The following MAGI2 variants were observed in gnomAD, a reference collection of about 807,000 sequenced individuals.
MAGI2 encodes the protein membrane associated guanylate kinase, WW and PDZ domain containing 2.
A neutral mutation model predicts 133.3 loss-of-function variants in MAGI2; 35 were observed. The observed-to-expected ratio is 0.26, with a 90% confidence interval of 0.20 to 0.35. The LOEUF is 0.35. MAGI2 is among the 10% of genes least tolerant of loss of function. The pLI, the probability that MAGI2 is intolerant of heterozygous loss-of-function variation, is 1.00. For synonymous variants in MAGI2, 729 were observed against 710.6 expected (o/e 1.03, Z -0.41); for missense variants, 1,636 against 1,863.4 (o/e 0.88, Z 2.25).
chr7:78,616,641 A>C (rs1228305652), intron 3 of MAGI2: 3 of 152,218 alleles, frequency 2.0e-5, no homozygotes, highest in Non-Finnish European at 4.4e-5. Context: ...AATGATGAGA[A>C]TTAAGATAAA....
chr7:78,868,909 A>G (rs559220007), intron 2 of MAGI2, among the ~76,000 whole-genome samples: 69 of 152,032 alleles, frequency 4.5e-4, no homozygotes, highest in Non-Finnish European at 9.0e-4. Context: ...GCCCGCCACA[A>G]TGCCCGGCTA....
intron 5 of MAGI2, among the ~76,000 whole-genome samples, chr7:78,490,561 G>T (rs2150492621): frequency 6.6e-6 from 1 of 152,188 alleles, no homozygotes; most frequent in African/African-American, 2.4e-5. Context: ...TTAAAGTAGT[G>T]TTTTTTAAAG....
At chr7:78,203,358 AT>A (rs1334965383) in intron 10 of MAGI2, among the ~76,000 whole-genome samples, 2 of 152,214 alleles carry the variant, frequency 1.3e-5, no homozygotes, top group Admixed American at 6.5e-5. Context: ...CCTATAGAAA[AT>A]GTATAATCAT....
At chr7:78,650,392 C>A (rs981952860) in intron 2 of MAGI2, among the ~76,000 whole-genome samples, 2 of 152,110 alleles carry the variant, frequency 1.3e-5, no homozygotes, top group South Asian at 4.1e-4. Context: ...GAAGTGGGAA[C>A]CAAAGTCTTT....
At chr7:78,065,559 G>A in intron 21 of MAGI2, 1 of 675,436 alleles carries the variant, frequency 1.5e-6, no homozygotes, top group South Asian at 1.6e-5. Context: ...TAATATTCAT[G>A]CAGATTTTAC....
At chr7:78,589,085 C>T (rs1234102743) in intron 3 of MAGI2, among the ~76,000 whole-genome samples, 2 of 152,108 alleles carry the variant, frequency 1.3e-5, no homozygotes, top group African/African-American at 4.8e-5. Context: ...CTATTGTATT[C>T]CCAAACTCCT....
intron 1 of MAGI2, among the ~76,000 whole-genome samples, chr7:79,341,803 G>C (rs1401916432): frequency 6.6e-6 from 1 of 152,122 alleles, no homozygotes; most frequent in Admixed American, 6.6e-5. Context: ...TTTCCAACAG[G>C]TTGAACTGAT....
Position 78,160,114 on chromosome 7 carries a change from C to T in MAGI2, c.2756G>A (p.Ser919Asn). 1.9e-6 allele frequency: 3 copies of T among 1,611,684 alleles called. No individual in the cohort carries two copies. The highest frequency in any genetic ancestry group is 1.7e-6 in the Non-Finnish European group (2 of 1,178,884). ...CTCTTTGCGGTGAATGACCACATCA[C>T]TGGTCTGCAGGCTGTGGGAGGCGAA... The part of the protein sequence containing the change: ...EGFASHSLQT[S>N]DVVIHRKENE... Residue 919 changes from serine (S) to asparagine (N), a missense_variant, in exon 16 of 22, where the codon AGT (serine) becomes AAT (asparagine). Coordinates refer to ENST00000354212, the MANE Select transcript of MAGI2 (RefSeq NM_012301.4).
At chr7:78,447,033 T>A (rs1474460706) in intron 6 of MAGI2, among the ~76,000 whole-genome samples, 1 of 152,080 alleles carries the variant, frequency 6.6e-6, no homozygotes, top group Non-Finnish European at 1.5e-5. Context: ...AAATTTTTCA[T>A]CAGAATGATT....
chr7:79,208,663 G>A (rs1191717215), intron 1 of MAGI2, among the ~76,000 whole-genome samples: 1 of 151,924 alleles, frequency 6.6e-6, no homozygotes, highest in Non-Finnish European at 1.5e-5. Context: ...ATATGATCCA[G>A]CAATCCAACC....
intron 16 of MAGI2, among the ~76,000 whole-genome samples, chr7:78,144,727 CTG>C (rs1461363867): frequency 6.6e-6 from 1 of 152,128 alleles, no homozygotes; most frequent in Non-Finnish European, 1.5e-5. Flanking sequence ...AAGGTGGACT[CTG>C]TGTCAGTTTT....
chr7:78,396,650 C>A (rs1175493546), intron 6 of MAGI2, among the ~76,000 whole-genome samples: 1 of 152,052 alleles, frequency 6.6e-6, no homozygotes, highest in Non-Finnish European at 1.5e-5. Flanking sequence ...TTCTGGTTTT[C>A]TCATTCTAAT....
chr7:78,600,332 T>A (rs1805062846), intron 3 of MAGI2, among the ~76,000 whole-genome samples: 1 of 151,858 alleles, frequency 6.6e-6, no homozygotes, highest in African/African-American at 2.4e-5. Flanking sequence ...AGATGGAGAG[T>A]TAACTAGACT....
intron 1 of MAGI2, among the ~76,000 whole-genome samples, chr7:79,236,838 A>T (rs1377061707): frequency 3.3e-5 from 5 of 152,222 alleles, no homozygotes; most frequent in Admixed American, 6.5e-5. Flanking sequence ...TAAAACTTAA[A>T]TAGACAAGCC....
intron 6 of MAGI2, among the ~76,000 whole-genome samples, chr7:78,426,896 C>T (rs567951689): frequency 6.6e-5 from 10 of 152,148 alleles, no homozygotes; most frequent in South Asian, 2.1e-4. Context: ...CAACATATTA[C>T]GTACAAATAA....
intron 2 of MAGI2, among the ~76,000 whole-genome samples, chr7:78,895,929 A>G (rs938038028): frequency 1.3e-5 from 2 of 152,244 alleles, no homozygotes; most frequent in Admixed American, 6.5e-5. Flanking sequence ...TAAGTGGATT[A>G]TAAATAAATA....
At chr7:78,197,720 C>T (rs1275311875) in intron 11 of MAGI2, 2 of 149,890 alleles carry the variant, frequency 1.3e-5, no homozygotes, top group East Asian at 4.0e-4. Flanking sequence ...GTCACTCTGT[C>T]AGGGTTTCCT....
chr7:78,378,329 C>T lies in MAGI2; in HGVS notation c.1046-9116G>A, dbSNP rs7799170. On this transcript the variant is annotated intron_variant, in intron 6 of 21. Transcript: ENST00000354212. ...TAAAGAAGAAGAAAATAGAATAGAACTAATACATAAAACTGTGATCCAAGA... is the reference window on the plus strand; with the variant it reads ...TAAAGAAGAAGAAAATAGAATAGAATTAATACATAAAACTGTGATCCAAGA... Among the ~76,000 whole-genome samples, 42 of 151,024 alleles carry T rather than the reference C, an allele frequency of 2.8e-4. No homozygotes were observed. The East Asian group carries it at 8.0e-3, about 29-fold the overall frequency.
intron 16 of MAGI2, chr7:78,159,789 A>T (rs1378491974): frequency 2.8e-6 from 1 of 360,862 alleles, no homozygotes; most frequent in Non-Finnish European, 4.9e-6. Context: ...AAGAGCTTTT[A>T]TAGGGGTGGA....
Sources: gnomAD v4.1 joint callset for allele counts (sites outside exome capture counted in the v4.1 genomes callset) on GRCh38, gnomAD v4.1.1 for gene constraint, MANE v1.5 for transcripts, NCBI Gene and HGNC (gene_info 2026-07-23, HGNC 2026-07-21) for gene names.